TOP6BL: variants seen among roughly 807,000 people sequenced by gnomAD.
TOP6BL encodes TOP6B like initiator of meiotic double strand breaks.
At chr11:66,837,696 C>T in the TOP6BL span, among the ~76,000 whole-genome samples, 2 of 152,064 alleles carry the variant, frequency 1.3e-5, no homozygotes, top group African/African-American at 4.8e-5. Flanking sequence ...CTGCCTGCCT[C>T]GGCCTCCCAA....
the TOP6BL span, chr11:66,748,236 C>G: frequency 3.1e-6 from 2 of 648,478 alleles, no homozygotes; most frequent in African/African-American, 3.7e-5. Context: ...ATACTCTGAA[C>G]AAACCTAAAT....
chr11:66,841,691 G>A, the TOP6BL span, among the ~76,000 whole-genome samples: 1 of 152,154 alleles, frequency 6.6e-6, no homozygotes, highest in Non-Finnish European at 1.5e-5. Flanking sequence ...AAGGTGGTGT[G>A]TGCCTTTAGT....
At chr11:66,832,011 A>AC in the TOP6BL span, among the ~76,000 whole-genome samples, 494 of 151,156 alleles carry the variant, frequency 3.3e-3, 6 homozygotes, top group Middle Eastern at 6.8e-3. Context: ...AAAAAAAAAA[A>AC]AAAAACAAAA....
chr11:66,754,271 C>A, the TOP6BL span, among the ~76,000 whole-genome samples: 1 of 152,098 alleles, frequency 6.6e-6, no homozygotes, highest in African/African-American at 2.4e-5. Context: ...TCTTTTCTTT[C>A]CCCCCTTTCT....
the TOP6BL span, among the ~76,000 whole-genome samples, chr11:66,833,961 G>C: frequency 2.0e-5 from 3 of 151,036 alleles, no homozygotes; most frequent in African/African-American, 7.3e-5. Context: ...AAAAAAAAAA[G>C]ATCTGACCTC....
chr11:66,784,156 G>A, the TOP6BL span, among the ~76,000 whole-genome samples: 2 of 151,778 alleles, frequency 1.3e-5, no homozygotes, highest in Non-Finnish European at 2.9e-5. Flanking sequence ...TCAGCCTCCC[G>A]AGTAGCTGGG....
the TOP6BL span, chr11:66,800,882 AC>A: frequency 1.0e-6 from 1 of 980,362 alleles, no homozygotes; most frequent in African/African-American, 1.6e-5. Flanking sequence ...GAGGGGGTAA[AC>A]TTAAAGATTG....
chr11:66,831,780 G>T, the TOP6BL span, among the ~76,000 whole-genome samples: 1 of 151,992 alleles, frequency 6.6e-6, no homozygotes, highest in Non-Finnish European at 1.5e-5. Context: ...TGGATCACGA[G>T]GTCAAGAGTT....
the TOP6BL span, among the ~76,000 whole-genome samples, chr11:66,807,341 G>A: frequency 6.6e-6 from 1 of 152,198 alleles, no homozygotes; most frequent in Non-Finnish European, 1.5e-5. Flanking sequence ...GGAGGCCAAG[G>A]TGGATGGATC....
chr11:66,752,964 A>C, the TOP6BL span, among the ~76,000 whole-genome samples: 2 of 151,908 alleles, frequency 1.3e-5, no homozygotes, highest in African/African-American at 4.8e-5. Context: ...CCCCATCTCT[A>C]CTAAAATACA....
the TOP6BL span, among the ~76,000 whole-genome samples, chr11:66,800,332 A>C: frequency 6.6e-6 from 1 of 152,180 alleles, no homozygotes; most frequent in African/African-American, 2.4e-5. Context: ...GGGGGTGACT[A>C]TAGTCAATAA....
the TOP6BL span, chr11:66,828,171 G>A: frequency 1.3e-6 from 1 of 761,358 alleles, no homozygotes; most frequent in Non-Finnish European, 2.2e-6. Flanking sequence ...CCTACTGTCT[G>A]CCTCCTCATC....
the TOP6BL span, among the ~76,000 whole-genome samples, chr11:66,836,514 T>C: frequency 6.7e-6 from 1 of 150,364 alleles, no homozygotes; most frequent in African/African-American, 2.4e-5. Context: ...TGGCCCTCTT[T>C]TGCCCATTTT....
chr11:66,760,770 C>T, the TOP6BL span, among the ~76,000 whole-genome samples: 1 of 151,940 alleles, frequency 6.6e-6, no homozygotes, highest in Non-Finnish European at 1.5e-5. Flanking sequence ...CACACCACTG[C>T]ACTCCAGCCT....
the TOP6BL span, among the ~76,000 whole-genome samples, chr11:66,785,117 G>A: frequency 3.3e-5 from 5 of 151,418 alleles, no homozygotes; most frequent in African/African-American, 4.8e-5. Context: ...CACCATGCCC[G>A]GCTAATTTTT....
At chr11:66,800,524 G>A in the TOP6BL span, 2 of 715,988 alleles carry the variant, frequency 2.8e-6, no homozygotes, top group South Asian at 2.0e-5. Context: ...TCAATTAAAA[G>A]TAATGTTAAT....
At chr11:66,767,443 G>GA in the TOP6BL span, among the ~76,000 whole-genome samples, 1 of 152,030 alleles carries the variant, frequency 6.6e-6, no homozygotes. Context: ...GGAGGAATAT[G>GA]AAAAAAATCC....
At chr11:66,836,617 C>T in the TOP6BL span, among the ~76,000 whole-genome samples, 3 of 148,998 alleles carry the variant, frequency 2.0e-5, no homozygotes, top group South Asian at 2.2e-4. Flanking sequence ...CTTTGGGAGG[C>T]GGAGGTGGGA....
chr11:66,764,673 A>T, the TOP6BL span, among the ~76,000 whole-genome samples: 6 of 150,838 alleles, frequency 4.0e-5, no homozygotes, highest in East Asian at 6.0e-4. Flanking sequence ...TCCAAAAAAA[A>T]AAAAAATAAA....
Sources: gnomAD v4.1 joint callset for allele counts (sites outside exome capture counted in the v4.1 genomes callset) on GRCh38, gnomAD v4.1.1 for gene constraint, MANE v1.5 for transcripts, NCBI Gene and HGNC (gene_info 2026-07-23, HGNC 2026-07-21) for gene names.